The following CEP63 variants were observed in gnomAD, a reference collection of about 807,000 sequenced individuals.
CEP63 encodes the protein centrosomal protein of 63 kDa.
CEP63 carries 84 observed loss-of-function variants against 89.1 expected under a neutral mutation model. That is an observed-to-expected ratio of 0.94 (90% CI 0.79 to 1.13). CEP63 has a LOEUF of 1.13. Ranked by LOEUF, CEP63 falls within the 50% of genes most tolerant of loss-of-function variation. The pLI is 0.00. For synonymous variants in CEP63, 267 were observed against 272.5 expected (o/e 0.98, Z 0.20); for missense variants, 838 against 813.3 (o/e 1.03, Z -0.37).
chr3:134,623,375 C>T, the CEP63 span, among the ~76,000 whole-genome samples: 4 of 152,198 alleles, frequency 2.6e-5, no homozygotes, highest in African/African-American at 7.2e-5. Flanking sequence ...CTCCACTTCA[C>T]GGCAGGCCAG....
intron 12 of CEP63, chr3:134,553,519 A>G (rs1305095395): frequency 2.0e-5 from 3 of 152,228 alleles, no homozygotes; most frequent in Non-Finnish European, 4.4e-5. Flanking sequence ...ATGTAGATAG[A>G]TACCTCACAG....
At chr3:134,677,003 AG>A in the CEP63 span, among the ~76,000 whole-genome samples, 3 of 152,218 alleles carry the variant, frequency 2.0e-5, no homozygotes, top group Non-Finnish European at 4.4e-5. Flanking sequence ...TGGGAGGCCG[AG>A]GCAGGTGGTT....
At chr3:134,677,927 C>T in the CEP63 span, among the ~76,000 whole-genome samples, 1 of 151,924 alleles carries the variant, frequency 6.6e-6, no homozygotes, top group Non-Finnish European at 1.5e-5. Context: ...CACTACCACC[C>T]TCTGTGCCAG....
At chr3:134,588,442 T>C (rs957606938), downstream of CEP63, among the ~76,000 whole-genome samples, 1 of 152,128 alleles carries the variant, frequency 6.6e-6, no homozygotes, top group Non-Finnish European at 1.5e-5. Flanking sequence ...AAAAAAAATA[T>C]CTAAGTGTTC....
chr3:134,633,295 A>G, the CEP63 span, among the ~76,000 whole-genome samples: 1 of 152,090 alleles, frequency 6.6e-6, no homozygotes, highest in Admixed American at 6.5e-5. Flanking sequence ...AAAGACAGCA[A>G]AAGAAAAGAA....
the CEP63 span, among the ~76,000 whole-genome samples, chr3:134,594,154 G>A: frequency 3.3e-5 from 5 of 152,268 alleles, no homozygotes; most frequent in African/African-American, 7.2e-5. Context: ...TAATCCCACC[G>A]TCATTTTGTT....
At chr3:134,686,818 G>T in the CEP63 span, among the ~76,000 whole-genome samples, 1 of 152,146 alleles carries the variant, frequency 6.6e-6, no homozygotes, top group Non-Finnish European at 1.5e-5. Context: ...CACCATTTTA[G>T]GGACGGAGAA....
chr3:134,494,309 T>G (rs1430555134), intron 1 of CEP63, among the ~76,000 whole-genome samples: 1 of 149,530 alleles, frequency 6.7e-6, no homozygotes, highest in Non-Finnish European at 1.5e-5. Context: ...AGAGGCGGAG[T>G]TTTACCATGT....
chr3:134,770,418 T>A, the CEP63 span, among the ~76,000 whole-genome samples: 3 of 152,184 alleles, frequency 2.0e-5, no homozygotes, highest in East Asian at 3.8e-4. Flanking sequence ...AGCATAAGGA[T>A]TGCACAAATA....
the CEP63 span, among the ~76,000 whole-genome samples, chr3:134,609,266 T>A: frequency 6.6e-6 from 1 of 152,166 alleles, no homozygotes; most frequent in Admixed American, 6.5e-5. Flanking sequence ...GCGGGGACCT[T>A]TTGTGGCTCT....
At chr3:134,509,445 G>T (rs1439245549) in intron 3 of CEP63, among the ~76,000 whole-genome samples, 1 of 152,156 alleles carries the variant, frequency 6.6e-6, no homozygotes, top group Non-Finnish European at 1.5e-5. Context: ...TTTGAGCAGG[G>T]ACACAGACCC....
chr3:134,670,534 G>A, the CEP63 span, among the ~76,000 whole-genome samples: 1,830 of 152,334 alleles, frequency 0.012, 49 homozygotes, highest in East Asian at 0.11. Flanking sequence ...AGATGATGCT[G>A]TTGAGAATAA....
intron 2 of CEP63, among the ~76,000 whole-genome samples, chr3:134,504,909 A>C (rs537823522): frequency 1.6e-4 from 25 of 152,210 alleles, no homozygotes; most frequent in African/African-American, 6.0e-4. Context: ...TTGAAACTCA[A>C]TTGCATTTTT....
chr3:134,721,859 G>A, the CEP63 span, among the ~76,000 whole-genome samples: 1 of 151,930 alleles, frequency 6.6e-6, no homozygotes, highest in African/African-American at 2.4e-5. Context: ...AAATATTGCT[G>A]GATTTAGTTT....
At chr3:134,714,594 C>T in the CEP63 span, among the ~76,000 whole-genome samples, 3 of 152,332 alleles carry the variant, frequency 2.0e-5, no homozygotes, top group East Asian at 5.8e-4. Context: ...TGAAGAAAGT[C>T]AAGGCTGGGC....
rs188871432 is a variant in CEP63, at chr3:134,499,316, A to C, written c.44+3952A>C. The stretch of plus-strand genomic sequence containing the variant: ...ATTTGTTAGCATATAGTTGTTTGTA[A>C]TAATCTCTAATGACCCTTTGTATTT... On this transcript the variant is annotated intron_variant, in intron 2 of 14. Coordinates refer to ENST00000675561, the MANE Select transcript of CEP63 (RefSeq NM_001353108.3). Among the ~76,000 whole-genome samples the C allele has an allele frequency of 2.6e-3, 393 of 152,176 alleles. 2 individuals carry two copies. Among genetic ancestry groups the C allele is most frequent in the African/African-American group, 9.0e-3 (374 of 41,538 alleles).
the CEP63 span, among the ~76,000 whole-genome samples, chr3:134,693,970 G>A: frequency 0.63 from 95,830 of 152,096 alleles, 31,195 homozygotes; most frequent in East Asian, 0.91. Context: ...GAAGGCAATG[G>A]CATCCTGCAG....
chr3:134,503,437 G>A (rs572777562), intron 2 of CEP63, among the ~76,000 whole-genome samples: 2 of 152,016 alleles, frequency 1.3e-5, no homozygotes, highest in Non-Finnish European at 2.9e-5. Context: ...CTAACATATG[G>A]TCTATCCTGG....
intron 1 of CEP63, among the ~76,000 whole-genome samples, chr3:134,487,325 T>C (rs1935927061): frequency 6.6e-6 from 1 of 152,216 alleles, no homozygotes; most frequent in Non-Finnish European, 1.5e-5. Flanking sequence ...GTGATCAGGG[T>C]AGTAAAAAGC....
Sources: gnomAD v4.1 joint callset for allele counts (sites outside exome capture counted in the v4.1 genomes callset) on GRCh38, gnomAD v4.1.1 for gene constraint, MANE v1.5 for transcripts, NCBI Gene and HGNC (gene_info 2026-07-23, HGNC 2026-07-21) for gene names.